The following SEMA6D variants were observed in gnomAD, a reference collection of about 807,000 sequenced individuals.
The protein encoded by SEMA6D is semaphorin-6D.
A neutral mutation model predicts 106.6 loss-of-function variants in SEMA6D; 35 were observed. The ratio of observed to expected loss-of-function variants is 0.33; its 90% CI spans 0.25 to 0.44. SEMA6D has a LOEUF of 0.44. Among genes scored for constraint, SEMA6D ranks in the 20% least tolerant of loss-of-function variants. SEMA6D has a pLI of 1.00. For synonymous variants in SEMA6D, 499 were observed against 487.7 expected, an observed-to-expected ratio of 1.02 and a Z score of -0.31; for missense variants, 1,185 against 1,345.9, an observed-to-expected ratio of 0.88 and a Z score of 1.87.
At chr15:47,325,360 A>G (rs1566999383) in intron 1 of SEMA6D, among the ~76,000 whole-genome samples, 1 of 151,920 alleles carries the variant, frequency 6.6e-6, no homozygotes, top group Non-Finnish European at 1.5e-5. Context: ...TTTAGTAGAG[A>G]CGAGGTTTGG....
At chr15:47,728,397 T>C (rs1244702633) in intron 1 of SEMA6D, among the ~76,000 whole-genome samples, 1 of 152,248 alleles carries the variant, frequency 6.6e-6, no homozygotes, top group Non-Finnish European at 1.5e-5. Context: ...TATAAATTCA[T>C]ACTCTGTGTG....
At chr15:47,561,365 A>C (rs2142691525) in intron 3 of SEMA6D, among the ~76,000 whole-genome samples, 1 of 152,182 alleles carries the variant, frequency 6.6e-6, no homozygotes, top group Middle Eastern at 3.4e-3. Flanking sequence ...TTGTCAACCA[A>C]ATCTTCTATA....
chr15:47,394,110 A>AT (rs1420144849), intron 1 of SEMA6D, among the ~76,000 whole-genome samples: 5 of 152,238 alleles, frequency 3.3e-5, no homozygotes, highest in African/African-American at 1.2e-4. Context: ...AGCCCTTGTC[A>AT]TGGGTACATT....
intron 1 of SEMA6D, among the ~76,000 whole-genome samples, chr15:47,356,049 C>G (rs2038552704): frequency 6.6e-6 from 1 of 152,206 alleles, no homozygotes; most frequent in African/African-American, 2.4e-5. Context: ...TGGGAATTGG[C>G]AGCCCCCTTG....
intron 1 of SEMA6D, among the ~76,000 whole-genome samples, chr15:47,243,998 A>G (rs2033069411): frequency 6.6e-6 from 1 of 152,188 alleles, no homozygotes; most frequent in African/African-American, 2.4e-5. Flanking sequence ...ATATAATATG[A>G]TATCAGGTAG....
rs2044053772 is a variant in SEMA6D at position 47,506,680 on chromosome 15, A to T, written c.-87+36135A>T. Among the ~76,000 whole-genome samples, 3 of 152,150 alleles carry T rather than the reference A, an allele frequency of 2.0e-5. No individual in the cohort carries two copies. The South Asian group carries it at 6.2e-4, about 32-fold the overall frequency. On this transcript the variant is annotated intron_variant, in intron 3 of 19. Coordinates refer to the SEMA6D transcript ENST00000558014. ...TCCCCCAGTGCCTCATTTTATAAAT[A>T]AAAGGCAGTGCAGTGGAGGGATAGA...
Position 47,770,947 on chromosome 15 carries a change from C to T in SEMA6D, c.2384C>T (p.Ala795Val), listed in dbSNP as rs1451449554. The change falls in exon 19 of 19, where the codon GCC (alanine) becomes GTC (valine). Residue 795 changes from alanine (A) to valine (V), a missense_variant. Ala to Val is a moderately conservative substitution (Grantham distance 64). This residue lies in a region of SEMA6D where 750 missense variants were observed against 783.5 expected (regional missense o/e 0.96). Coordinates refer to ENST00000536845, the MANE Select transcript of SEMA6D (RefSeq NM_001358351.3). Reference protein sequence around the residue: ...LQAMKSHSEKAHGHGASRKET... With the variant: ...LQAMKSHSEKVHGHGASRKET... ...GCCATGAAGAGCCACTCAGAAAAGG[C>T]CCATGGCCATGGAGCTTCAAGGAAA... is the stretch of plus-strand genomic sequence containing the variant. 2 of 1,614,068 alleles carry T rather than the reference C, an allele frequency of 1.2e-6. No individual in the cohort carries two copies. Among genetic ancestry groups the T allele is most frequent in the South Asian group, 1.1e-5 (1 of 91,078 alleles).
intron 4 of SEMA6D, among the ~76,000 whole-genome samples, chr15:47,649,457 A>G (rs1173803518): frequency 1.3e-5 from 2 of 152,204 alleles, no homozygotes; most frequent in African/African-American, 4.8e-5. Flanking sequence ...AAGAAAAAAA[A>G]AGTACAAGCC....
chr15:47,281,694 C>T (rs1028617799), intron 1 of SEMA6D, among the ~76,000 whole-genome samples: 1 of 152,044 alleles, frequency 6.6e-6, no homozygotes, highest in Non-Finnish European at 1.5e-5. Flanking sequence ...GTCTGTGCAT[C>T]TAATAGAGCA....
chr15:47,718,396 G>T (rs1436917798), intron 1 of SEMA6D: 1 of 152,322 alleles, frequency 6.6e-6, no homozygotes, highest in Non-Finnish European at 1.5e-5. Context: ...GTCAGTGAGC[G>T]CCCGGATTGC....
At chr15:47,434,492 T>C (rs1366217459) in intron 2 of SEMA6D, among the ~76,000 whole-genome samples, 5 of 152,122 alleles carry the variant, frequency 3.3e-5, no homozygotes, top group Admixed American at 6.5e-5. Context: ...CTACATGCTA[T>C]CCTGACAGTT....
Position 47,367,478 on chromosome 15 carries a change from A to G in SEMA6D, c.-238-44915A>G, listed in dbSNP as rs75570262. 2.8e-3 allele frequency among the ~76,000 whole-genome samples: 419 copies of G among 152,226 alleles called. 3 individuals are homozygous for G. Among genetic ancestry groups the G allele is most frequent in the African/African-American group, 8.4e-3 (347 of 41,520 alleles). ...AATTAACCACATTTTTTAAAGTTCT[A>G]CTGCCTTCTTGTATACTCAGCTATG... On this transcript the variant is annotated intron_variant, in intron 1 of 19. Transcript: ENST00000558014.
chr15:47,225,961 G>A (rs1238348572), intron 1 of SEMA6D, among the ~76,000 whole-genome samples: 1 of 152,046 alleles, frequency 6.6e-6, no homozygotes, highest in Admixed American at 6.6e-5. Flanking sequence ...GAATTGAAAT[G>A]TGTCTCTCTA....
chr15:47,717,794 T>C (rs79407741), intron 1 of SEMA6D, 102 bp downstream of exon 1: 2,489 of 132,946 alleles, frequency 0.019, 131 homozygotes, highest in African/African-American at 0.067. Flanking sequence ...TGTGTGTGTG[T>C]GCGCGCGGTG....
intron 3 of SEMA6D, among the ~76,000 whole-genome samples, chr15:47,492,155 C>T (rs1391919707): frequency 6.6e-6 from 1 of 152,014 alleles, no homozygotes; most frequent in Non-Finnish European, 1.5e-5. Context: ...TAAGAGTTCC[C>T]TAATTACAAA....
chr15:47,517,864 A>G (rs911024574), intron 3 of SEMA6D, among the ~76,000 whole-genome samples: 12 of 152,214 alleles, frequency 7.9e-5, no homozygotes, highest in African/African-American at 2.9e-4. Flanking sequence ...TCTTTTCTCA[A>G]TCTTCTGGAA....
chr15:47,254,776 A>G (rs932349412), intron 1 of SEMA6D, among the ~76,000 whole-genome samples: 2 of 151,846 alleles, frequency 1.3e-5, no homozygotes, highest in South Asian at 2.1e-4. Context: ...CCACTTGGCT[A>G]TGGTGAATAA....
intron 3 of SEMA6D, among the ~76,000 whole-genome samples, chr15:47,528,699 A>C (rs2044844786): frequency 6.6e-6 from 1 of 152,226 alleles, no homozygotes; most frequent in Non-Finnish European, 1.5e-5. Context: ...ATTTCCTCTC[A>C]TATTGCATTA....
At chr15:47,672,068 ATAT>A (rs774796505) in intron 4 of SEMA6D, among the ~76,000 whole-genome samples, 103 of 152,314 alleles carry the variant, frequency 6.8e-4, no homozygotes, top group Admixed American at 1.3e-3. Context: ...TCCCTCTATG[ATAT>A]TATTATCACA....
Sources: gnomAD v4.1 joint callset for allele counts (sites outside exome capture counted in the v4.1 genomes callset) on GRCh38, gnomAD v4.1.1 for gene constraint, gnomAD v4.1.1 regional missense constraint, MANE v1.5 for transcripts, NCBI Gene and HGNC (gene_info 2026-07-23, HGNC 2026-07-21) for gene names.